Variants in GARRE1 observed in about 807,000 individuals in gnomAD.
GARRE1 encodes granule associated Rac and RHOG effector protein 1.
In GARRE1, 49 loss-of-function variants were observed where a neutral mutation model predicts 103.2. The observed-to-expected ratio is 0.47, with a 90% CI of 0.38 to 0.60. GARRE1 has a LOEUF of 0.60. Among genes scored for constraint, GARRE1 ranks in the 20% least tolerant of loss-of-function variants. The pLI is 0.00. For synonymous variants in GARRE1, 505 were observed against 532.8 expected (o/e 0.95, Z 0.72); for missense variants, 1,199 against 1,370.5 (o/e 0.87, Z 1.98).
chr19:34,267,637 T>G (rs2073760495), intron 1 of GARRE1, among the ~76,000 whole-genome samples: 1 of 152,150 alleles, frequency 6.6e-6, no homozygotes, highest in Non-Finnish European at 1.5e-5. Context: ...TTTGAAAACT[T>G]TTTTTTGGAT....
chr19:34,352,680 C>T lies in GARRE1; in HGVS notation c.2938C>T (p.Pro980Ser). Residue 980 changes from proline to serine, a missense_variant, in exon 14 of 14, where the codon CCC becomes TCC. By Grantham distance (74) the Pro-to-Ser change is moderately conservative (BLOSUM62 -1). Coordinates refer to ENST00000299505, the MANE Select transcript of GARRE1 (RefSeq NM_014686.5). ...AACCAAAACGTGGCCACCCAAAGCA[C>T]CCTGGCAGCACCCTTCCCCGCTTCC... ...NKTKTWPPKA[P>S]WQHPSPLPST... is the part of the protein sequence containing the mutation. The T allele has an allele frequency of 1.2e-6, 2 of 1,612,558 alleles. No homozygotes were observed. Among genetic ancestry groups the T allele is most frequent in the East Asian group, 2.2e-5 (1 of 44,804 alleles).
Position 34,353,183 on chromosome 19 carries a change from C to A in GARRE1, c.*228C>A, listed in dbSNP as rs780883865. The A allele has an allele frequency of 2.0e-6, 1 of 511,142 alleles. No individual in the cohort carries two copies. Among genetic ancestry groups the A allele is most frequent in the Non-Finnish European group, 3.4e-6 (1 of 290,200 alleles). 31.7% of individuals were successfully genotyped at this position (511,142 alleles called of 1,614,324 possible). A position where few individuals can be genotyped will look rare whatever the true frequency, so the allele number is the denominator to read the frequency against. Reference sequence around the variant, plus strand: ...CTGGAGAGCCAGCTGGAGACACAGGCGTCTGGCCTTCAGGGGCTTGCTAGG... The same window carrying A: ...CTGGAGAGCCAGCTGGAGACACAGGAGTCTGGCCTTCAGGGGCTTGCTAGG... On this transcript the variant is annotated 3_prime_UTR_variant, in exon 14 of 14. Coordinates refer to ENST00000299505, the MANE Select transcript of GARRE1 (RefSeq NM_014686.5).
rs200948820 is a variant in GARRE1 at position 34,347,871 on chromosome 19, A to G, written c.2522-6A>G. 24 of 1,537,802 alleles carry G rather than the reference A, an allele frequency of 1.6e-5. No individual in the cohort carries two copies. The highest frequency in any genetic ancestry group is 2.5e-5 in the East Asian group (1 of 40,614). ...AAACCCGGTTTATTCCTTTGTCCCA[A>G]TGCAGTGGGCTCAGACCCAGAGTTT... On this transcript the variant is annotated splice_polypyrimidine_tract_variant and splice_region_variant and intron_variant, in intron 10 of 13. Transcript: ENST00000299505.
intron 1 of GARRE1, among the ~76,000 whole-genome samples, chr19:34,276,662 A>G (rs774056062): frequency 3.9e-5 from 6 of 152,164 alleles, no homozygotes; most frequent in Middle Eastern, 3.2e-3. Context: ...TCTCCCTCAT[A>G]TCATCTGTCT....
chr19:34,340,193 C>T (rs1303000504), intron 9 of GARRE1, among the ~76,000 whole-genome samples: 1 of 152,182 alleles, frequency 6.6e-6, no homozygotes. Flanking sequence ...ATGCCCTGTA[C>T]CAGATTCCCC....
chr19:34,341,266 AC>A (rs894494815), intron 9 of GARRE1, 155 bp from the exon 10 acceptor site: 1 of 635,408 alleles, frequency 1.6e-6, no homozygotes, highest in African/African-American at 1.8e-5. Flanking sequence ...TACTCTCCAA[AC>A]CCCTGGGTGT....
intron 2 of GARRE1, 115 bp downstream of exon 2, chr19:34,301,083 G>T: frequency 9.0e-7 from 1 of 1,110,468 alleles, no homozygotes; most frequent in Non-Finnish European, 1.3e-6. Flanking sequence ...TCCTCTTGCT[G>T]TTGGTACTCT....
At chr19:34,291,126 T>C (rs1305016802) in intron 1 of GARRE1, among the ~76,000 whole-genome samples, 4 of 152,070 alleles carry the variant, frequency 2.6e-5, no homozygotes, top group Non-Finnish European at 4.4e-5. Flanking sequence ...CAGGCTGGTC[T>C]CAAACTCCTG....
At chr19:34,297,230 G>A (rs1435321547) in intron 1 of GARRE1, among the ~76,000 whole-genome samples, 2 of 152,074 alleles carry the variant, frequency 1.3e-5, no homozygotes, top group Non-Finnish European at 2.9e-5. Flanking sequence ...GGAGGTTGCA[G>A]TGAGCTGAGA....
At chr19:34,334,696 C>CAAAAAAAA (rs201914309) in intron 8 of GARRE1, among the ~76,000 whole-genome samples, 1 of 117,582 alleles carries the variant, frequency 8.5e-6, no homozygotes, top group Admixed American at 8.6e-5. Context: ...AAAACTATCT[C>CAAAAAAAA]AAAAAAAAAA....
At chr19:34,294,424 A>C (rs545334703) in intron 1 of GARRE1, among the ~76,000 whole-genome samples, 11 of 151,858 alleles carry the variant, frequency 7.2e-5, no homozygotes, top group African/African-American at 2.7e-4. Flanking sequence ...CCCCATCTCT[A>C]AAAGCAAAAA....
chr19:34,336,557 T>A lies in GARRE1; in HGVS notation c.1361+2756T>A, dbSNP rs565066039. 1.2e-3 allele frequency among the ~76,000 whole-genome samples: 181 copies of A among 150,172 alleles called. 1 individual carries two copies. The highest frequency in any genetic ancestry group is 3.4e-3 in the Middle Eastern group (1 of 290). On this transcript the variant is annotated intron_variant, in intron 8 of 13. Transcript: ENST00000299505. ...GTCTCGGCTCACTGCAACCTCCACC[T>A]CCTGGGTTCAAATGATTTTCCTGCC...
At chr19:34,259,155 G>A (rs530806397) in intron 1 of GARRE1, among the ~76,000 whole-genome samples, 161 of 152,294 alleles carry the variant, frequency 1.1e-3, no homozygotes, top group Non-Finnish European at 1.9e-3. Flanking sequence ...GCAACAGAGC[G>A]AGACCCTGTC....
chr19:34,319,374 C>G (rs1010924520), intron 2 of GARRE1, among the ~76,000 whole-genome samples: 2 of 152,062 alleles, frequency 1.3e-5, no homozygotes, highest in African/African-American at 4.8e-5. Flanking sequence ...AGCTTTGTTT[C>G]CTAAGACTGG....
At chr19:34,278,313 A>G (rs1476795139) in intron 1 of GARRE1, among the ~76,000 whole-genome samples, 1 of 151,882 alleles carries the variant, frequency 6.6e-6, no homozygotes, top group East Asian at 1.9e-4. Flanking sequence ...ATGTGGTGGC[A>G]TAAGCCTGCA....
At chr19:34,301,662 C>T (rs904920324) in intron 2 of GARRE1, among the ~76,000 whole-genome samples, 3 of 150,748 alleles carry the variant, frequency 2.0e-5, no homozygotes, top group Non-Finnish European at 2.9e-5. Context: ...ATTCTAAATA[C>T]GATTATGAGC....
At chr19:34,255,473 G>A (rs752553850) in intron 1 of GARRE1, among the ~76,000 whole-genome samples, 1 of 152,102 alleles carries the variant, frequency 6.6e-6, no homozygotes, top group African/African-American at 2.4e-5. Context: ...AAGTCTTAAG[G>A]TAGAAAATGA....
chr19:34,336,256 G>T (rs1165418008), intron 8 of GARRE1, among the ~76,000 whole-genome samples: 1 of 152,166 alleles, frequency 6.6e-6, no homozygotes, highest in African/African-American at 2.4e-5. Flanking sequence ...CTCCCAAAGT[G>T]CTGGGATTGC....
intron 13 of GARRE1, among the ~76,000 whole-genome samples, chr19:34,352,300 G>A (rs2074241970): frequency 6.6e-6 from 1 of 151,504 alleles, no homozygotes; most frequent in African/African-American, 2.4e-5. Flanking sequence ...TACTCAGAAG[G>A]CTGAGACAGG....
Sources: allele counts gnomAD v4.1 joint callset (sites outside exome capture counted in the v4.1 genomes callset), GRCh38; gene constraint gnomAD v4.1.1; transcripts MANE v1.5; gene names NCBI Gene and HGNC (gene_info 2026-07-23, HGNC 2026-07-21).